The following PAX3 variants were observed in gnomAD, a reference collection of about 807,000 sequenced individuals.
The protein encoded by PAX3 is paired box 3.
In PAX3, 14 loss-of-function variants were observed where a neutral mutation model predicts 51.6. The observed-to-expected ratio is 0.27, with a 90% CI of 0.18 to 0.42. PAX3 has a LOEUF of 0.42. Among genes scored for constraint, PAX3 ranks in the 10% least tolerant of loss-of-function variants. The pLI is 1.00. For missense variants in PAX3, 540 were observed against 642.8 expected (o/e 0.84, Z 1.73); for synonymous variants, 280 against 253.4 (o/e 1.11, Z -1.00).
intron 4 of PAX3, among the ~76,000 whole-genome samples, chr2:222,276,109 G>A (rs552864671): frequency 3.9e-5 from 6 of 152,144 alleles, no homozygotes; most frequent in South Asian, 2.1e-4. Flanking sequence ...GGAAGAAATC[G>A]TCCAGGCATA....
chr2:222,225,557 T>C lies in PAX3; in HGVS notation c.793-4170A>G, dbSNP rs375546900. ...GTAAAGATACAACAATACATCTTAT[T>C]CACATGTGTGCAATACAGACCAGGC... On this transcript the variant is annotated intron_variant, in intron 5 of 8. Coordinates refer to ENST00000392070, the MANE Select transcript of PAX3 (RefSeq NM_181458.4). Among the ~76,000 whole-genome samples, 71 of 152,274 alleles carry C rather than the reference T, an allele frequency of 4.7e-4. 2 individuals carry two copies. The highest frequency in any genetic ancestry group is 1.7e-3 in the African/African-American group (70 of 41,554).
rs917259292 is a variant in PAX3 at position 222,274,645 on chromosome 2, TTTTAATG to T, written c.586+19515_586+19521del. Among the ~76,000 whole-genome samples the T allele has an allele frequency of 9.2e-5, 14 of 152,228 alleles. No individual in the cohort carries two copies. The East Asian group carries it at 2.5e-3, about 27-fold the overall frequency. On this transcript the variant is annotated intron_variant, in intron 4 of 8. Coordinates refer to ENST00000392070, the MANE Select transcript of PAX3 (RefSeq NM_181458.4). ...ATGTATTTTCGCATTCCCTAAAATG[TTTTAATG>T]TTTTTATATAGTTAAACAGAATAAC...
At position 222,264,567 on chromosome 2, in the gene PAX3, G is replaced by A. The variant is rs1170396738; in HGVS notation, c.586+29600C>T. ...TACGCAAGTTTCACCCCCACACAAA[G>A]TAATCCAAAAAAGTCTATTTTACCA... On this transcript the variant is annotated intron_variant, in intron 4 of 8. Coordinates refer to ENST00000392070, the MANE Select transcript of PAX3 (RefSeq NM_181458.4). The A allele has an allele frequency of 7.9e-5, 12 of 152,096 alleles. No individual in the cohort carries two copies. The East Asian group carries it at 2.3e-3, about 29-fold the overall frequency. 9.4% of individuals were successfully genotyped at this position (152,096 alleles called of 1,614,324 possible). A position where few individuals can be genotyped will look rare whatever the true frequency, so the allele number is the denominator to read the frequency against.
At chr2:222,243,046 C>T (rs1248587476) in intron 4 of PAX3, among the ~76,000 whole-genome samples, 1 of 152,152 alleles carries the variant, frequency 6.6e-6, no homozygotes, top group Non-Finnish European at 1.5e-5. Context: ...CAAAAGAATT[C>T]TCCTGTCACC....
chr2:222,259,171 A>G (rs1483931479), intron 4 of PAX3, among the ~76,000 whole-genome samples: 1 of 152,186 alleles, frequency 6.6e-6, no homozygotes, highest in Non-Finnish European at 1.5e-5. Context: ...CGAAAGGAAA[A>G]ACCTACTTTT....
chr2:222,245,159 G>GA (rs1693177322), intron 4 of PAX3, among the ~76,000 whole-genome samples: 1 of 151,984 alleles, frequency 6.6e-6, no homozygotes, highest in Non-Finnish European at 1.5e-5. Context: ...AAAAGAAAAA[G>GA]AAAAGAAATA....
At chr2:222,283,294 G>C (rs573008349) in intron 4 of PAX3, among the ~76,000 whole-genome samples, 4 of 152,100 alleles carry the variant, frequency 2.6e-5, no homozygotes, top group Non-Finnish European at 5.9e-5. Flanking sequence ...TTATATTGTA[G>C]GTAGGGTACC....
chr2:222,221,510 C>A lies in PAX3; in HGVS notation c.793-123G>T, dbSNP rs552308286. 203 of 909,102 alleles carry A rather than the reference C, an allele frequency of 2.2e-4. No individual in the cohort carries two copies. The African/African-American group carries it at 3.1e-3, about 14-fold the overall frequency. The allele number at this position is 909,102 out of a possible 1,614,324, so 56.3% of individuals were successfully genotyped here. ...GAAAGGGCAAATAGATGCAAGAGTT[C>A]TCTGCCTTCTGTGTTGTTTGGGCGA... On this transcript the variant is annotated intron_variant, in intron 5 of 8. Coordinates refer to ENST00000392070, the MANE Select transcript of PAX3 (RefSeq NM_181458.4).
At chr2:222,241,733 G>A (rs562618510) in intron 4 of PAX3, among the ~76,000 whole-genome samples, 1 of 152,292 alleles carries the variant, frequency 6.6e-6, no homozygotes, top group Non-Finnish European at 1.5e-5. Flanking sequence ...CTAAAAATGT[G>A]ACAACTCGTA....
At chr2:222,203,355 A>C (rs1691381759) in intron 7 of PAX3, among the ~76,000 whole-genome samples, 1 of 152,068 alleles carries the variant, frequency 6.6e-6, no homozygotes, top group South Asian at 2.1e-4. Flanking sequence ...TTGCAAAAGA[A>C]ATCTAACGCC....
chr2:222,232,440 C>T (rs1362074674), intron 4 of PAX3, among the ~76,000 whole-genome samples, 157 bp from the exon 5 acceptor site: 2 of 152,242 alleles, frequency 1.3e-5, no homozygotes, highest in East Asian at 1.9e-4. Context: ...CTAACCAATC[C>T]GTAATAATTC....
At chr2:222,212,040 A>G (rs1424170753) in intron 7 of PAX3, among the ~76,000 whole-genome samples, 3 of 152,100 alleles carry the variant, frequency 2.0e-5, no homozygotes, top group Non-Finnish European at 1.5e-5. Flanking sequence ...ATACACTATA[A>G]TAGAATAGAG....
intron 5 of PAX3, among the ~76,000 whole-genome samples, chr2:222,227,311 G>C (rs1324725328): frequency 6.6e-6 from 1 of 152,086 alleles, no homozygotes; most frequent in Non-Finnish European, 1.5e-5. Context: ...ATAAATATTT[G>C]GGCCAGACAT....
intron 4 of PAX3, among the ~76,000 whole-genome samples, chr2:222,268,732 A>G (rs967197587): frequency 3.9e-5 from 6 of 152,298 alleles, no homozygotes; most frequent in Admixed American, 2.6e-4. Context: ...CTAGATGAGT[A>G]AGCGTGTTTG....
At chr2:222,252,660 T>G (rs1231734978) in intron 4 of PAX3, among the ~76,000 whole-genome samples, 1 of 152,106 alleles carries the variant, frequency 6.6e-6, no homozygotes, top group East Asian at 1.9e-4. Context: ...TTGCCCTATC[T>G]CGTGTTATTC....
chr2:222,209,692 T>G (rs1243096161), intron 7 of PAX3, among the ~76,000 whole-genome samples: 2 of 53,944 alleles, frequency 3.7e-5, no homozygotes, highest in African/African-American at 1.5e-4. Context: ...AAACTCTGTC[T>G]CTACAAAAAA....
intron 4 of PAX3, among the ~76,000 whole-genome samples, chr2:222,283,488 C>T (rs551074910): frequency 6.6e-6 from 1 of 152,270 alleles, no homozygotes; most frequent in Admixed American, 6.5e-5. Context: ...GTGTTTTACC[C>T]AGTCAAAAAT....
chr2:222,236,072 A>G (rs922584969), intron 4 of PAX3, among the ~76,000 whole-genome samples: 1 of 152,170 alleles, frequency 6.6e-6, no homozygotes, highest in Admixed American at 6.5e-5. Flanking sequence ...CCATCTGTAA[A>G]CCCCAAAGGG....
At chr2:222,240,288 T>C (rs1323062202) in intron 4 of PAX3, among the ~76,000 whole-genome samples, 1 of 151,962 alleles carries the variant, frequency 6.6e-6, no homozygotes, top group East Asian at 1.9e-4. Context: ...CAAGCAGAGG[T>C]TGGCGGCACG....
Sources: allele counts gnomAD v4.1 joint callset (sites outside exome capture counted in the v4.1 genomes callset), GRCh38; gene constraint gnomAD v4.1.1; transcripts MANE v1.5; gene names NCBI Gene and HGNC (gene_info 2026-07-23, HGNC 2026-07-21).